GOLGA1: variants seen among roughly 807,000 people sequenced by gnomAD.
The protein encoded by GOLGA1 is golgin A1.
Under a neutral mutation model 119.7 loss-of-function variants are expected in GOLGA1, and 63 were observed. That is an observed-to-expected ratio of 0.53 (90% CI 0.43 to 0.65). GOLGA1 has a LOEUF of 0.65. Among genes scored for constraint, GOLGA1 ranks in the 30% least tolerant of loss-of-function variants. The pLI is 0.00. For synonymous variants in GOLGA1, 318 were observed against 333.4 expected (o/e 0.95, Z 0.50); for missense variants, 798 against 912.8 (o/e 0.87, Z 1.62).
At chr9:124,932,539 A>G (rs1423633693) in intron 3 of GOLGA1, among the ~76,000 whole-genome samples, 1 of 152,216 alleles carries the variant, frequency 6.6e-6, no homozygotes, top group Admixed American at 6.5e-5. Context: ...GCAATCTGTG[A>G]TAACAAACAG....
chr9:124,921,356 C>A, intron 9 of GOLGA1, 116 bp from the exon 10 acceptor site: 1 of 698,724 alleles, frequency 1.4e-6, no homozygotes, highest in Non-Finnish European at 2.5e-6. Flanking sequence ...CATCATTAGC[C>A]ACATGCAGGT....
rs201455650 is a variant in GOLGA1 at position 124,890,381 on chromosome 9, G to C, written c.1497+8C>G. The C allele has an allele frequency of 2.1e-4, 329 of 1,595,610 alleles. No homozygotes were observed. In the African/African-American group the frequency reaches 3.9e-3, roughly 19 times the overall value. ...GGACATCGCCCCTCAGCGTGAAACAGGGCCCACCTGTTGCTGGAACTCTTC... is the reference window on the plus strand; with the variant it reads ...GGACATCGCCCCTCAGCGTGAAACACGGCCCACCTGTTGCTGGAACTCTTC... On this transcript the variant is annotated splice_region_variant and intron_variant, in intron 16 of 22. Coordinates refer to ENST00000373555, the MANE Select transcript of GOLGA1 (RefSeq NM_002077.4).
At chr9:124,945,122 G>C (rs1241702177), upstream of GOLGA1, 1 of 152,048 alleles carries the variant, frequency 6.6e-6, no homozygotes, top group African/African-American at 2.4e-5. Context: ...CCAATTTATA[G>C]TCTATGATGA....
chr9:124,927,047 G>A (rs962360034), intron 6 of GOLGA1, among the ~76,000 whole-genome samples: 1 of 152,118 alleles, frequency 6.6e-6, no homozygotes, highest in African/African-American at 2.4e-5. Context: ...CAGCTTTTTG[G>A]CTTGTTCCTG....
At chr9:124,943,967 G>T (rs1283512253), upstream of GOLGA1, 1 of 152,152 alleles carries the variant, frequency 6.6e-6, no homozygotes, top group East Asian at 1.9e-4. Flanking sequence ...AACCTATATG[G>T]ATAAGTTATT....
chr9:124,922,550 C>CAAAAAAAAAAAAA, intron 8 of GOLGA1, among the ~76,000 whole-genome samples: 1 of 49,358 alleles, frequency 2.0e-5, no homozygotes, highest in Non-Finnish European at 4.0e-5. Flanking sequence ...GACTCTATCT[C>CAAAAAAAAAAAAA]AAAAAAAAAA....
rs7022197 is a variant in GOLGA1 at position 124,886,655 on chromosome 9, A to G, written c.1905+1598T>C. Among the ~76,000 whole-genome samples, 1,080 of 151,992 alleles carry G rather than the reference A, an allele frequency of 7.1e-3. 11 individuals are homozygous for G. The highest frequency in any genetic ancestry group is 0.025 in the African/African-American group (1,024 of 41,432). On this transcript the variant is annotated intron_variant, in intron 19 of 22. Coordinates refer to ENST00000373555, the MANE Select transcript of GOLGA1 (RefSeq NM_002077.4). The stretch of plus-strand genomic sequence containing the variant: ...TCATAAGGTGCCTGCACAACGGCGC[A>G]CCTCTCAGTAGATGGGACGATTCCA...
intron 10 of GOLGA1, among the ~76,000 whole-genome samples, chr9:124,919,070 G>A (rs575754256): frequency 1.5e-4 from 23 of 151,906 alleles, no homozygotes; most frequent in Non-Finnish European, 2.1e-4. Context: ...GCAACATAGC[G>A]AAACCCCATC....
intron 13 of GOLGA1, chr9:124,900,151 T>C (rs560491440): frequency 6.6e-5 from 16 of 243,700 alleles, no homozygotes; most frequent in African/African-American, 3.6e-4. Flanking sequence ...TGATTGCAAG[T>C]TGAGGCTTGA....
At chr9:124,936,222 T>C (rs151097107) in intron 3 of GOLGA1, among the ~76,000 whole-genome samples, 31 of 152,292 alleles carry the variant, frequency 2.0e-4, no homozygotes, top group African/African-American at 5.8e-4. Flanking sequence ...TGTGTGCTTA[T>C]ATTTCCTCTT....
At chr9:124,894,370 A>G (rs1235839240) in intron 15 of GOLGA1, among the ~76,000 whole-genome samples, 1 of 143,282 alleles carries the variant, frequency 7.0e-6, no homozygotes, top group Non-Finnish European at 1.5e-5. Context: ...TGGTTTCCTA[A>G]TTTAAAGTTT....
At chr9:124,902,237 G>A (rs1351312989) in intron 12 of GOLGA1, among the ~76,000 whole-genome samples, 1 of 151,662 alleles carries the variant, frequency 6.6e-6, no homozygotes. Flanking sequence ...TCAGCCTCCT[G>A]AGTAGCTGGG....
At chr9:124,931,567 G>A (rs756980924) in intron 3 of GOLGA1, among the ~76,000 whole-genome samples, 161 bp from the exon 4 acceptor site, 1 of 152,152 alleles carries the variant, frequency 6.6e-6, no homozygotes, top group Non-Finnish European at 1.5e-5. Context: ...TGGAAGCAAC[G>A]CTTTCTTCCT....
intron 8 of GOLGA1, among the ~76,000 whole-genome samples, chr9:124,922,550 CAAA>C (rs537417274): frequency 1.0e-4 from 5 of 49,362 alleles, no homozygotes; most frequent in Non-Finnish European, 2.0e-4. Context: ...GACTCTATCT[CAAA>C]AAAAAAAAAA....
At chr9:124,905,155 TAATAATAA>T (rs1054325843) in intron 12 of GOLGA1, among the ~76,000 whole-genome samples, 4 of 148,918 alleles carry the variant, frequency 2.7e-5, no homozygotes, top group African/African-American at 4.9e-5. Flanking sequence ...CAAAAAATAA[TAATAATAA>T]AATAAAATAA....
intron 15 of GOLGA1, among the ~76,000 whole-genome samples, chr9:124,895,698 C>T (rs1383843371): frequency 6.6e-6 from 1 of 151,192 alleles, no homozygotes; most frequent in Admixed American, 6.6e-5. Context: ...GAGAACCCTC[C>T]ACAACACAGA....
At chr9:124,899,307 C>G in intron 14 of GOLGA1, 22 bp downstream of exon 14, 1 of 1,527,328 alleles carries the variant, frequency 6.5e-7, no homozygotes, top group Non-Finnish European at 8.8e-7. Context: ...CTGGGCCCAC[C>G]CTCTCTTAGC....
At chr9:124,931,528 A>G (rs1830771495) in intron 3 of GOLGA1, 122 bp from the exon 4 acceptor site, 1 of 623,792 alleles carries the variant, frequency 1.6e-6, no homozygotes, top group African/African-American at 1.8e-5. Context: ...ATCACTGAAA[A>G]GCTGGGCCTA....
At chr9:124,904,072 TAAA>T (rs199796322) in intron 12 of GOLGA1, among the ~76,000 whole-genome samples, 3 of 119,554 alleles carry the variant, frequency 2.5e-5, no homozygotes, top group Non-Finnish European at 5.5e-5. Flanking sequence ...AAAAAAATTC[TAAA>T]AAAAAAAAAA....
Sources: gnomAD v4.1 joint callset for allele counts (sites outside exome capture counted in the v4.1 genomes callset) on GRCh38, gnomAD v4.1.1 for gene constraint, MANE v1.5 for transcripts, NCBI Gene and HGNC (gene_info 2026-07-23, HGNC 2026-07-21) for gene names.